Variants in NLRP11 observed in about 807,000 individuals in gnomAD.
NLRP11 encodes the protein NACHT, LRR and PYD domains-containing protein 11.
In NLRP11, 53 loss-of-function variants were observed where a neutral mutation model predicts 79.3. The observed-to-expected ratio is 0.67, with a 90% CI of 0.54 to 0.84. The LOEUF (loss-of-function observed/expected upper bound fraction) is 0.84. Among genes scored for constraint, NLRP11 ranks in the 40% least tolerant of loss-of-function variants. The pLI, the probability that NLRP11 is intolerant of heterozygous loss-of-function variation, is 0.00. For synonymous variants in NLRP11, 518 were observed against 462.6 expected (o/e 1.12, Z -1.54); for missense variants, 1,264 against 1,255.0 (o/e 1.01, Z -0.11).
upstream of NLRP11, among the ~76,000 whole-genome samples, chr19:55,834,281 G>A (rs982535628): frequency 1.3e-5 from 2 of 152,006 alleles, no homozygotes; most frequent in Non-Finnish European, 2.9e-5. Flanking sequence ...AAAAGGTAAA[G>A]CACTTCTTCA....
chr19:55,802,299 A>G (rs1474133096), intron 4 of NLRP11, among the ~76,000 whole-genome samples: 1 of 152,218 alleles, frequency 6.6e-6, no homozygotes, highest in Non-Finnish European at 1.5e-5. Flanking sequence ...TTCAGCTGAT[A>G]AACTGCAAAA....
intron 2 of NLRP11, 121 bp downstream of exon 2, chr19:55,817,775 TTACTCATG>T (rs1981280332): frequency 1.4e-6 from 1 of 710,966 alleles, no homozygotes. Context: ...ACTAAAGAAC[TTACTCATG>T]TACTCAAATA....
chr19:55,835,669 C>T (rs1391287992), upstream of NLRP11, among the ~76,000 whole-genome samples: 1 of 143,706 alleles, frequency 7.0e-6, no homozygotes, highest in Admixed American at 6.9e-5. Flanking sequence ...TGGTGAAACC[C>T]TGTCTCTACT....
chr19:55,823,186 A>C (rs1316832402), intron 1 of NLRP11, among the ~76,000 whole-genome samples: 3 of 145,114 alleles, frequency 2.1e-5, no homozygotes, highest in Non-Finnish European at 4.5e-5. Context: ...ATTCCAACAG[A>C]CCTGCAGCTG....
exon 2 of NLRP11, chr19:55,817,965 G>A (rs1227415454): frequency 6.2e-7 from 1 of 1,608,996 alleles, no homozygotes; most frequent in East Asian, 2.2e-5. Flanking sequence ...AAAATATGCT[G>A]AAGAGCATAT....
In NLRP11 at chr19:55,802,813, C is replaced by G. The variant is rs138170128; in HGVS notation, c.2004-1074G>C. Reference sequence around the variant, plus strand: ...AAACAGCATGGTACTGGTACAAAAACAGACACATAGACCAACAGAACAGAA... The same window carrying G: ...AAACAGCATGGTACTGGTACAAAAAGAGACACATAGACCAACAGAACAGAA... On this transcript the variant is annotated intron_variant, in intron 4 of 9. Coordinates refer to ENST00000589093, the Ensembl canonical transcript of NLRP11. Among the ~76,000 whole-genome samples the G allele has an allele frequency of 5.9e-5, 9 of 152,268 alleles. No individual in the cohort carries two copies. In the East Asian group the frequency reaches 1.2e-3, roughly 20 times the overall value.
upstream of NLRP11, among the ~76,000 whole-genome samples, chr19:55,836,106 C>A (rs8109389): frequency 8.6e-3 from 1,303 of 152,154 alleles, 12 homozygotes; most frequent in African/African-American, 0.03. Context: ...CCTGGGTGAC[C>A]GAGTGAGACC....
At chr19:55,831,003 G>A (rs1462747846) in intron 1 of NLRP11, among the ~76,000 whole-genome samples, 1 of 151,714 alleles carries the variant, frequency 6.6e-6, no homozygotes, top group Non-Finnish European at 1.5e-5. Context: ...TTGGGCCCAG[G>A]AACCAGTATA....
At chr19:55,831,103 C>A (rs1387162883) in intron 1 of NLRP11, among the ~76,000 whole-genome samples, 2 of 135,052 alleles carry the variant, frequency 1.5e-5, no homozygotes, top group African/African-American at 5.5e-5. Flanking sequence ...CCGCCCCACC[C>A]CCCCCATCCC....
At chr19:55,798,217 G>C (rs1005791112) in intron 5 of NLRP11, 6 of 470,496 alleles carry the variant, frequency 1.3e-5, no homozygotes, top group Non-Finnish European at 1.7e-5. Context: ...CAGGCTGTCT[G>C]GAACGCCTTA....
intron 5 of NLRP11, among the ~76,000 whole-genome samples, chr19:55,797,437 T>C (rs1979034514): frequency 6.6e-6 from 1 of 152,252 alleles, no homozygotes; most frequent in Non-Finnish European, 1.5e-5. Context: ...TAACCATCTT[T>C]CAACTAACAA....
In NLRP11 at chr19:55,804,439, AT is replaced by A. The variant is rs56849592; in HGVS notation, c.2004-2701del. On this transcript the variant is annotated intron_variant, in intron 4 of 9. Coordinates refer to ENST00000589093, the Ensembl canonical transcript of NLRP11. ...ACTATGCAGCCATAAAAAAGAGAGC[AT>A]TTTTTTTTTTTGGCGGGGGCAGGAA... Among the ~76,000 whole-genome samples the A allele has an allele frequency of 2.6e-3, 377 of 146,694 alleles. 1 individual carries two copies. The highest frequency in any genetic ancestry group is 3.3e-3 in the African/African-American group (133 of 40,314).
chr19:55,787,343 T>C (rs1989941884), intron 9 of NLRP11, among the ~76,000 whole-genome samples: 1 of 152,176 alleles, frequency 6.6e-6, no homozygotes, highest in Non-Finnish European at 1.5e-5. Flanking sequence ...AGACCTGTGA[T>C]TTGCTTCCTT....
chr19:55,792,218 A>C, intron 7 of NLRP11, 83 bp downstream of exon 7: 1 of 1,213,160 alleles, frequency 8.2e-7, no homozygotes, highest in East Asian at 2.3e-5. Context: ...CATCACTGGA[A>C]TCTTATCCCT....
intron 2 of NLRP11, among the ~76,000 whole-genome samples, chr19:55,812,334 A>C (rs1980682417): frequency 6.6e-6 from 1 of 152,146 alleles, no homozygotes; most frequent in Admixed American, 6.5e-5. Context: ...CACACAGAAG[A>C]AAGGATGAGG....
intron 4 of NLRP11, among the ~76,000 whole-genome samples, chr19:55,807,042 C>T (rs868280736): frequency 1.4e-4 from 21 of 152,136 alleles, no homozygotes; most frequent in Admixed American, 8.5e-4. Flanking sequence ...CACCATTATC[C>T]TAAAATACTT....
At chr19:55,785,577 C>T (rs776526810) in exon 10 of NLRP11, 36 of 1,524,638 alleles carry the variant, frequency 2.4e-5, no homozygotes, top group Non-Finnish European at 2.9e-5. Context: ...CTCTTGCATC[C>T]CAGTCACGGT....
intron 9 of NLRP11, among the ~76,000 whole-genome samples, chr19:55,788,544 C>G (rs59093623): frequency 0.02 from 2,992 of 151,212 alleles, 78 homozygotes; most frequent in African/African-American, 0.064. Context: ...ATTGAGACCA[C>G]CCTGGCCAAC....
At chr19:55,792,635 C>A (rs1321037711) in intron 6 of NLRP11, among the ~76,000 whole-genome samples, 164 bp from the exon 7 acceptor site, 1 of 152,210 alleles carries the variant, frequency 6.6e-6, no homozygotes, top group African/African-American at 2.4e-5. Flanking sequence ...AGAAGTACCC[C>A]AAATAGTGCA....
Sources: allele counts gnomAD v4.1 joint callset (sites outside exome capture counted in the v4.1 genomes callset), GRCh38; gene constraint gnomAD v4.1.1; transcripts MANE v1.5; gene names NCBI Gene and HGNC (gene_info 2026-07-23, HGNC 2026-07-21).